ST7: variants seen among roughly 807,000 people sequenced by gnomAD.
The protein encoded by ST7 is suppressor of tumorigenicity 7 protein.
Under a neutral mutation model 78.7 loss-of-function variants are expected in ST7, and 28 were observed. That is an observed-to-expected ratio of 0.36 (90% CI 0.26 to 0.49). The LOEUF (loss-of-function observed/expected upper bound fraction) is 0.49, where lower values mean the gene tolerates loss of function less well. Among genes scored for constraint, ST7 ranks in the 20% least tolerant of loss-of-function variants. The pLI, the probability that ST7 is intolerant of heterozygous loss-of-function variation, is 0.99. For missense variants in ST7, 418 were observed against 696.0 expected, an observed-to-expected ratio of 0.60 and a Z score of 4.49; for synonymous variants, 247 against 249.6, an observed-to-expected ratio of 0.99 and a Z score of 0.10.
At chr7:117,093,600 C>G (rs1800794141) in intron 1 of ST7, among the ~76,000 whole-genome samples, 1 of 152,072 alleles carries the variant, frequency 6.6e-6, no homozygotes, top group Admixed American at 6.6e-5. Context: ...ACTTGGGAGG[C>G]TGAAGCAGGG....
chr7:117,229,708 A>G (rs1276214920), intron 15 of ST7, 54 bp from the exon 16 acceptor site: 7 of 1,466,154 alleles, frequency 4.8e-6, no homozygotes, highest in Non-Finnish European at 6.5e-6. Context: ...GGTTTGTTTT[A>G]TAGTCTTGAA....
At chr7:117,110,228 A>C (rs920879804) in intron 2 of ST7, among the ~76,000 whole-genome samples, 2 of 152,354 alleles carry the variant, frequency 1.3e-5, no homozygotes, top group Admixed American at 6.5e-5. Context: ...ATTTTTAAGT[A>C]AGCAAATAGA....
chr7:117,115,343 TGGTA>T (rs1216202792), intron 2 of ST7, among the ~76,000 whole-genome samples: 89 of 151,258 alleles, frequency 5.9e-4, no homozygotes, highest in African/African-American at 9.7e-5. Flanking sequence ...AAGTGAGAAG[TGGTA>T]GGTTACTTTT....
At position 117,020,453 on chromosome 7, in the gene ST7, G is replaced by GGAC. The variant is rs1795833788; in HGVS notation, c.151+66763_151+66765dup. The GGAC allele has an allele frequency of 1.6e-5, 13 of 794,316 alleles. No individual in the cohort carries two copies. In the South Asian group the frequency reaches 3.0e-4, roughly 19 times the overall value. The allele number at this position is 794,316 out of a possible 1,614,324, so 49.2% of individuals were successfully genotyped here. Reference sequence around the variant, plus strand: ...CTCGTAACAGGAGAATCTGGCAGCTGGACACAGCTTGGACTGCATTGTCTG... The same window carrying GGAC: ...CTCGTAACAGGAGAATCTGGCAGCTGGACGACACAGCTTGGACTGCATTGTCTG... On this transcript the variant is annotated intron_variant, in intron 1 of 15. Transcript: ENST00000323984.
chr7:117,115,486 C>T (rs1461425477), intron 2 of ST7, among the ~76,000 whole-genome samples: 1 of 151,828 alleles, frequency 6.6e-6, no homozygotes, highest in East Asian at 1.9e-4. Flanking sequence ...ACCCGAGTAG[C>T]TGGGATGACA....
intron 1 of ST7, among the ~76,000 whole-genome samples, chr7:117,095,961 C>T (rs113072097): frequency 2.1e-4 from 31 of 149,030 alleles, no homozygotes; most frequent in African/African-American, 7.4e-4. Flanking sequence ...TCAGCTACTC[C>T]GGAGGCTGAT....
At chr7:117,226,403 A>G (rs1793448861) in intron 15 of ST7, among the ~76,000 whole-genome samples, 1 of 152,162 alleles carries the variant, frequency 6.6e-6, no homozygotes. Flanking sequence ...AGACATCGAG[A>G]TAAATAGGCT....
rs114911478 is a variant in ST7, at chr7:117,054,682, G to A, written c.152-45080G>A. ...TAATATGACAAATATGTCTTCATGG[G>A]TGAAGAACAGAACAGTTTCACCTAA... On this transcript the variant is annotated intron_variant, in intron 1 of 15. Transcript: ENST00000323984. Among the ~76,000 whole-genome samples, 335 of 152,306 alleles carry A rather than the reference G, an allele frequency of 2.2e-3. 3 individuals carry two copies. Among genetic ancestry groups the A allele is most frequent in the Middle Eastern group, 0.014 (4 of 294 alleles).
intron 1 of ST7, among the ~76,000 whole-genome samples, chr7:117,070,117 T>C (rs1405883629): frequency 6.6e-6 from 1 of 152,208 alleles, no homozygotes; most frequent in Non-Finnish European, 1.5e-5. Flanking sequence ...TTTTAGTCCT[T>C]TCTTTGAAAT....
At chr7:117,030,535 CA>C (rs1381883960) in intron 1 of ST7, among the ~76,000 whole-genome samples, 13 of 152,086 alleles carry the variant, frequency 8.5e-5, no homozygotes, top group African/African-American at 3.1e-4. Context: ...AGGACATGAA[CA>C]GACACTTTTC....
At chr7:116,971,515 G>GAA (rs141511141) in intron 1 of ST7, among the ~76,000 whole-genome samples, 15 of 147,944 alleles carry the variant, frequency 1.0e-4, no homozygotes, top group African/African-American at 2.7e-4. Flanking sequence ...CAATTCTAAT[G>GAA]AAAAAAAAAA....
chr7:117,023,196 A>G (rs1053591888), intron 1 of ST7, among the ~76,000 whole-genome samples: 7 of 152,202 alleles, frequency 4.6e-5, no homozygotes, highest in Admixed American at 2.0e-4. Context: ...TCACATTATA[A>G]TACATTCTGT....
chr7:117,220,546 T>G (rs553890765), intron 14 of ST7, among the ~76,000 whole-genome samples: 1 of 152,220 alleles, frequency 6.6e-6, no homozygotes, highest in Non-Finnish European at 1.5e-5. Flanking sequence ...GGGGATAGAT[T>G]AGTTATTAGA....
At chr7:116,989,719 G>C (rs759274278) in intron 1 of ST7, among the ~76,000 whole-genome samples, 1 of 151,722 alleles carries the variant, frequency 6.6e-6, no homozygotes, top group African/African-American at 2.4e-5. Flanking sequence ...TGTACCTGTA[G>C]TCCTAGCTGC....
At chr7:117,227,873 C>T (rs561579297) in intron 15 of ST7, among the ~76,000 whole-genome samples, 2 of 152,164 alleles carry the variant, frequency 1.3e-5, no homozygotes, top group Admixed American at 6.5e-5. Flanking sequence ...GTACCTGGCA[C>T]CCGCTTGAGG....
chr7:117,053,848 C>T (rs6942754), intron 1 of ST7, among the ~76,000 whole-genome samples: 4,714 of 46,190 alleles, frequency 0.1, 236 homozygotes, highest in African/African-American at 0.27. Flanking sequence ...GAGGACTAGA[C>T]GGTTTTTTTT....
chr7:117,077,061 C>T (rs906841289), intron 1 of ST7, among the ~76,000 whole-genome samples: 2 of 152,106 alleles, frequency 1.3e-5, no homozygotes, highest in Non-Finnish European at 2.9e-5. Flanking sequence ...ATGTAATCTT[C>T]CCCTGGAGTC....
intron 1 of ST7, among the ~76,000 whole-genome samples, chr7:117,099,373 ATGCATCAGGGACTCTGATG>A (rs1554436288): frequency 1.3e-5 from 2 of 152,142 alleles, no homozygotes; most frequent in Non-Finnish European, 2.9e-5. Context: ...CTGCTTGTTG[ATGCATCAGGGACTCTGATG>A]TGCAGGTCCC....
intron 13 of ST7, 27 bp downstream of exon 13, chr7:117,209,964 T>C (rs199760615): frequency 1.2e-6 from 2 of 1,601,870 alleles, no homozygotes; most frequent in Non-Finnish European, 1.7e-6. Flanking sequence ...TTTTGAAACA[T>C]TTTTAAGAGC....
Sources: allele counts gnomAD v4.1 joint callset (sites outside exome capture counted in the v4.1 genomes callset), GRCh38; gene constraint gnomAD v4.1.1; transcripts MANE v1.5; gene names NCBI Gene and HGNC (gene_info 2026-07-23, HGNC 2026-07-21).